The following DNAH14 variants were observed in gnomAD, a reference collection of about 807,000 sequenced individuals.
DNAH14 encodes dynein axonemal heavy chain 14.
DNAH14 carries 478 observed loss-of-function variants against 520.9 expected under a neutral mutation model. The ratio of observed to expected loss-of-function variants is 0.92; its 90% CI spans 0.85 to 0.99. The LOEUF is 0.99. Among genes scored for constraint, DNAH14 ranks in the 50% least tolerant of loss-of-function variants. DNAH14 has a pLI of 0.00. For missense variants in DNAH14, 4,831 were observed against 5,234.5 expected (o/e 0.92, Z 2.38); for synonymous variants, 1,581 against 1,757.2 (o/e 0.90, Z 2.51).
chr1:225,239,720 A>G (rs2091852942), intron 42 of DNAH14, among the ~76,000 whole-genome samples: 1 of 152,210 alleles, frequency 6.6e-6, no homozygotes, highest in South Asian at 2.1e-4. Flanking sequence ...TGTTTTGTTC[A>G]GAAAAATCAA....
chr1:225,109,819 C>A (rs1330061124), intron 23 of DNAH14, among the ~76,000 whole-genome samples: 1 of 152,108 alleles, frequency 6.6e-6, no homozygotes. Flanking sequence ...TTCATTTTCT[C>A]CCCATTTAGT....
chr1:225,025,671 C>A (rs10399841), intron 11 of DNAH14, among the ~76,000 whole-genome samples: 126,060 of 151,934 alleles, frequency 0.83, 53,773 homozygotes, highest in Non-Finnish European at 0.94. Flanking sequence ...GGGAGGATCA[C>A]TTGAGCCCAG....
rs138853607 is a variant in DNAH14 at position 224,935,324 on chromosome 1, A to G, written c.-34+5489A>G. On this transcript the variant is annotated intron_variant, in intron 1 of 85. Transcript: ENST00000682510. ...ATGGATTTTAAAAAGATTCAGCTAT[A>G]TGCTGCTTACAAGAAACTCACCTTA... Among the ~76,000 whole-genome samples the G allele has an allele frequency of 7.6e-3, 1,161 of 152,036 alleles. 10 individuals are homozygous for G. The highest frequency in any genetic ancestry group is 0.011 in the Non-Finnish European group (737 of 67,790).
intron 45 of DNAH14, among the ~76,000 whole-genome samples, 155 bp downstream of exon 45, chr1:225,258,273 C>T (rs1257969206): frequency 3.3e-5 from 5 of 152,180 alleles, no homozygotes; most frequent in Non-Finnish European, 7.3e-5. Flanking sequence ...AGTTTATGAA[C>T]ACCCATTTTT....
At chr1:224,958,759 G>A (rs1215996625) in intron 3 of DNAH14, among the ~76,000 whole-genome samples, 1 of 151,962 alleles carries the variant, frequency 6.6e-6, no homozygotes, top group Non-Finnish European at 1.5e-5. Context: ...CTTTAGACAG[G>A]GTCTTAATTC....
At chr1:225,324,016 A>T (rs894380035) in intron 62 of DNAH14, among the ~76,000 whole-genome samples, 2 of 151,920 alleles carry the variant, frequency 1.3e-5, no homozygotes, top group African/African-American at 4.8e-5. Flanking sequence ...GGATTTCACC[A>T]TGTTGGCTAG....
At chr1:225,037,114 G>A (rs112484958) in intron 11 of DNAH14, among the ~76,000 whole-genome samples, 6,338 of 152,226 alleles carry the variant, frequency 0.042, 215 homozygotes, top group Non-Finnish European at 0.061. Context: ...TGTTTGTCAA[G>A]GTGAAGAGTG....
intron 27 of DNAH14, among the ~76,000 whole-genome samples, chr1:225,124,436 A>G (rs2077535488): frequency 1.3e-5 from 2 of 152,212 alleles, no homozygotes; most frequent in African/African-American, 4.8e-5. Flanking sequence ...AAGTTTATGT[A>G]ATATACTAAA....
chr1:225,374,288 G>C (rs1226518199), intron 77 of DNAH14, among the ~76,000 whole-genome samples: 1 of 133,058 alleles, frequency 7.5e-6, no homozygotes, highest in Non-Finnish European at 1.6e-5. Context: ...TTGAGATAGA[G>C]TCTCACTCTG....
chr1:225,276,295 A>G (rs1452367815), intron 53 of DNAH14, among the ~76,000 whole-genome samples: 3 of 152,174 alleles, frequency 2.0e-5, no homozygotes, highest in Non-Finnish European at 2.9e-5. Flanking sequence ...TTAGAAGTAC[A>G]GTTTTATGTT....
At chr1:225,109,584 T>C (rs2076332413) in intron 23 of DNAH14, among the ~76,000 whole-genome samples, 1 of 152,172 alleles carries the variant, frequency 6.6e-6, no homozygotes, top group African/African-American at 2.4e-5. Flanking sequence ...TACTTGTTTA[T>C]CAGTTCTAAT....
At chr1:225,132,998 G>A (rs1046510747) in intron 27 of DNAH14, among the ~76,000 whole-genome samples, 1 of 151,968 alleles carries the variant, frequency 6.6e-6, no homozygotes, top group Admixed American at 6.6e-5. Flanking sequence ...TTTTTCAAAT[G>A]TTTGTTGGGC....
At chr1:225,247,144 C>A (rs2092329982) in intron 43 of DNAH14, among the ~76,000 whole-genome samples, 1 of 152,064 alleles carries the variant, frequency 6.6e-6, no homozygotes, top group Non-Finnish European at 1.5e-5. Flanking sequence ...CCAAATACTG[C>A]ATGTTCTCAT....
At chr1:224,932,783 G>A (rs912613324) in intron 1 of DNAH14, among the ~76,000 whole-genome samples, 1 of 152,036 alleles carries the variant, frequency 6.6e-6, no homozygotes. Flanking sequence ...GGTACAATTG[G>A]TCTGTGTGTC....
chr1:225,227,292 C>T (rs955307546), intron 41 of DNAH14, among the ~76,000 whole-genome samples: 4 of 152,018 alleles, frequency 2.6e-5, no homozygotes, highest in African/African-American at 9.7e-5. Flanking sequence ...TCCCTGTGGC[C>T]TTCCGCAGTG....
At chr1:225,187,021 C>A (rs1355073302) in intron 37 of DNAH14, among the ~76,000 whole-genome samples, 1 of 151,672 alleles carries the variant, frequency 6.6e-6, no homozygotes, top group Non-Finnish European at 1.5e-5. Context: ...TACCTTCTTT[C>A]CTTATCTTTC....
At chr1:225,166,611 G>A (rs2082067821) in intron 35 of DNAH14, among the ~76,000 whole-genome samples, 1 of 152,170 alleles carries the variant, frequency 6.6e-6, no homozygotes, top group South Asian at 2.1e-4. Context: ...ATATTCTGTA[G>A]TTGTGCTATT....
At chr1:225,084,603 C>G (rs2073522527) in intron 20 of DNAH14, among the ~76,000 whole-genome samples, 1 of 151,894 alleles carries the variant, frequency 6.6e-6, no homozygotes, top group South Asian at 2.1e-4. Flanking sequence ...CAATGGTATG[C>G]ATATGATGAA....
intron 60 of DNAH14, among the ~76,000 whole-genome samples, chr1:225,313,449 G>T (rs925451900): frequency 1.3e-5 from 2 of 152,076 alleles, no homozygotes; most frequent in African/African-American, 4.8e-5. Flanking sequence ...CTTCAGTTCT[G>T]CTCTGATCTT....
Sources: gnomAD v4.1 joint callset for allele counts (sites outside exome capture counted in the v4.1 genomes callset) on GRCh38, gnomAD v4.1.1 for gene constraint, MANE v1.5 for transcripts, NCBI Gene and HGNC (gene_info 2026-07-23, HGNC 2026-07-21) for gene names.